The following KCNQ2 variants were observed in gnomAD, a reference collection of about 807,000 sequenced individuals.
KCNQ2 encodes potassium voltage-gated channel subfamily Q member 2.
KCNQ2 carries 14 observed loss-of-function variants against 84.8 expected under a neutral mutation model. The ratio of observed to expected loss-of-function variants is 0.17; its 90% CI spans 0.11 to 0.26. The LOEUF (loss-of-function observed/expected upper bound fraction) is 0.26. Ranked by LOEUF, KCNQ2 falls within the 10% of genes least tolerant of loss-of-function variation. KCNQ2 has a pLI of 1.00. For synonymous variants in KCNQ2, 599 were observed against 554.1 expected (o/e 1.08, Z -1.14); for missense variants, 788 against 1,254.0 (o/e 0.63, Z 5.61).
chr20:63,446,978 C>A lies in KCNQ2; in HGVS notation c.297-141G>T. ...CGCGTCTCCAGAACGCAGGACCCCA[C>A]TCCCCACCCACCCCACCAGAGCTCG... On this transcript the variant is annotated intron_variant, in intron 1 of 16. Coordinates refer to ENST00000359125, the MANE Select transcript of KCNQ2 (RefSeq NM_172107.4). The surrounding 1 kb of genome is among the most constrained non-coding windows in gnomAD (Gnocchi z 5.5). 2.7e-6 allele frequency: 2 copies of A among 753,904 alleles called. No individual in the cohort carries two copies. The highest frequency in any genetic ancestry group is 2.0e-5 in the Admixed American group (1 of 49,840). 46.7% of individuals were successfully genotyped at this position (753,904 alleles called of 1,614,324 possible).
intron 4 of KCNQ2, among the ~76,000 whole-genome samples, chr20:63,443,292 TCACCAC>T (rs1351936217): frequency 6.1e-5 from 1 of 16,272 alleles, no homozygotes; most frequent in Non-Finnish European, 1.3e-4. Context: ...ATCACCATCA[TCACCAC>T]CACCATCACC....
chr20:63,434,156 C>T (rs1832792687), intron 7 of KCNQ2: 2 of 534,762 alleles, frequency 3.7e-6, no homozygotes, highest in Admixed American at 7.2e-5. Flanking sequence ...GGGCTTGACT[C>T]GGGGCCCTGA....
At chr20:63,423,088 T>C (rs1342416860) in intron 11 of KCNQ2, among the ~76,000 whole-genome samples, 3 of 152,200 alleles carry the variant, frequency 2.0e-5, no homozygotes, top group South Asian at 2.1e-4. Flanking sequence ...CCCAGCTCTT[T>C]CTGGGCCCTC....
intron 1 of KCNQ2, among the ~76,000 whole-genome samples, chr20:63,470,544 A>G (rs1486515611): frequency 1.3e-5 from 2 of 152,110 alleles, no homozygotes; most frequent in Non-Finnish European, 2.9e-5. Flanking sequence ...CCATGCGGAG[A>G]GCTGCTGACC....
chr20:63,414,870 G>A lies in KCNQ2; in HGVS notation c.1525+33C>T, dbSNP rs2080235439. The stretch of plus-strand genomic sequence containing the variant: ...TGGCCACCACATCCATCCCCGGAGA[G>A]GATGGACCAGGAGAGGATGCGGCCA... On this transcript the variant is annotated intron_variant, in intron 13 of 16. Coordinates refer to ENST00000359125, the MANE Select transcript of KCNQ2 (RefSeq NM_172107.4). This position sits in a 1 kb window ranked among gnomAD's most constrained non-coding sequence, Gnocchi z 6.6. 6.2e-7 allele frequency: 1 copy of A among 1,602,398 alleles called. No individual in the cohort carries two copies. Among genetic ancestry groups the A allele is most frequent in the Non-Finnish European group, 8.5e-7 (1 of 1,171,774 alleles).
chr20:63,441,402 C>T (rs1247666486), intron 5 of KCNQ2, among the ~76,000 whole-genome samples: 2 of 152,118 alleles, frequency 1.3e-5, no homozygotes, highest in Non-Finnish European at 2.9e-5. Flanking sequence ...CAGAGGGACC[C>T]AGAGGGGAGG....
chr20:63,469,577 G>A (rs2082159980), intron 1 of KCNQ2, among the ~76,000 whole-genome samples: 1 of 152,254 alleles, frequency 6.6e-6, no homozygotes, highest in African/African-American at 2.4e-5. Context: ...GGGATGCCCA[G>A]AGAGGTTCTC....
chr20:63,461,123 C>CT (rs1347139071), intron 1 of KCNQ2: 1 of 152,258 alleles, frequency 6.6e-6, no homozygotes, highest in Non-Finnish European at 1.5e-5. Flanking sequence ...GATGTGCTTA[C>CT]TTTGCAGTCA....
rs1380627733 is a variant in KCNQ2, at chr20:63,400,449, T to C, written c.*6195A>G. On this transcript the variant is annotated 3_prime_UTR_variant, in exon 17 of 17. Coordinates refer to ENST00000359125, the MANE Select transcript of KCNQ2 (RefSeq NM_172107.4). The surrounding 1 kb of genome is among the most constrained non-coding windows in gnomAD (Gnocchi z 8.7). ...AACTAGAGTTCATTCCCTGGGCGTC[T>C]ATCCCTAGAAAATGGACGGTGCACA... is the stretch of plus-strand genomic sequence containing the variant. 1 of 397,238 alleles carries C rather than the reference T, an allele frequency of 2.5e-6. No homozygotes were observed. Among genetic ancestry groups the C allele is most frequent in the Non-Finnish European group, 4.4e-6 (1 of 225,760 alleles). The allele number at this position is 397,238 out of a possible 1,614,324, so 24.6% of individuals were successfully genotyped here.
chr20:63,439,984 C>A (rs1402419081), intron 5 of KCNQ2, among the ~76,000 whole-genome samples: 1 of 152,264 alleles, frequency 6.6e-6, no homozygotes, highest in Admixed American at 6.5e-5. Context: ...GACGTGACTC[C>A]CACGAGGCTC....
chr20:63,402,846 C>T lies in KCNQ2; in HGVS notation c.*3798G>A, dbSNP rs889470688. The T allele has an allele frequency of 6.6e-6, 1 of 152,266 alleles. No homozygotes were observed. Among genetic ancestry groups the T allele is most frequent in the African/African-American group, 2.4e-5 (1 of 41,454 alleles). The allele number at this position is 152,266 out of a possible 1,614,324, so 9.4% of individuals were successfully genotyped here. On this transcript the variant is annotated 3_prime_UTR_variant, in exon 17 of 17. Transcript: ENST00000359125. ...CCGGTGGGGGGTGTTGGGCACCTGC[C>T]CTGCTCAGACGGCTGTGTGCAGGAG... is the stretch of plus-strand genomic sequence containing the variant.
chr20:63,424,935 G>A (rs2080584374), intron 10 of KCNQ2, among the ~76,000 whole-genome samples: 1 of 152,194 alleles, frequency 6.6e-6, no homozygotes, highest in Admixed American at 6.5e-5. Flanking sequence ...GCTCTTTGGT[G>A]CACTTCCAAA....
At chr20:63,463,010 C>G (rs373672503) in intron 1 of KCNQ2, among the ~76,000 whole-genome samples, 1 of 151,988 alleles carries the variant, frequency 6.6e-6, no homozygotes. Context: ...ATCATACTGG[C>G]TGGACATCAT....
At chr20:63,422,445 C>G (rs535366148) in intron 11 of KCNQ2, 1 of 152,872 alleles carries the variant, frequency 6.5e-6, no homozygotes, top group Admixed American at 6.5e-5. Flanking sequence ...AGCAGCCCCA[C>G]GTCCCCCACC....
At chr20:63,451,537 C>A (rs1421032811) in intron 1 of KCNQ2, among the ~76,000 whole-genome samples, 1 of 152,146 alleles carries the variant, frequency 6.6e-6, no homozygotes, top group Non-Finnish European at 1.5e-5. Context: ...AAAGCCTGAC[C>A]CTGTGGAAAG....
In KCNQ2 at chr20:63,472,513, G is replaced by T; in HGVS notation, c.-50C>A. 1 of 1,361,858 alleles carries T rather than the reference G, an allele frequency of 7.3e-7. No homozygotes were observed. The highest frequency in any genetic ancestry group is 9.4e-7 in the Non-Finnish European group (1 of 1,061,162). The allele number at this position is 1,361,858 out of a possible 1,614,324, so 84.4% of individuals were successfully genotyped here. A position where few individuals can be genotyped will look rare whatever the true frequency, so the allele number is the denominator to read the frequency against. On this transcript the variant is annotated 5_prime_UTR_variant, in exon 1 of 17. Transcript: ENST00000359125. ...GTCGGGCTCAGGCTCAGCGGGGGCG[G>T]AGCGCGGGGGGCGGCGCGGGCCCCA...
At chr20:63,423,254 C>G (rs2145609969) in intron 11 of KCNQ2, among the ~76,000 whole-genome samples, 1 of 152,280 alleles carries the variant, frequency 6.6e-6, no homozygotes, top group East Asian at 1.9e-4. Flanking sequence ...GCAGCTCAGC[C>G]CCACTCCATC....
intron 10 of KCNQ2, 33 bp from the exon 11 acceptor site, chr20:63,424,239 G>C (rs143115785): frequency 7.1e-6 from 11 of 1,552,066 alleles, no homozygotes; most frequent in Admixed American, 2.0e-5. Flanking sequence ...GTTAGTGGCC[G>C]CCCACTCAGC....
At chr20:63,424,489 T>A in intron 10 of KCNQ2, 1 of 527,420 alleles carries the variant, frequency 1.9e-6, no homozygotes, top group Non-Finnish European at 3.4e-6. Flanking sequence ...CCTCCACATT[T>A]ACAGACACTC....
Sources: gnomAD v4.1 joint callset for allele counts (sites outside exome capture counted in the v4.1 genomes callset) on GRCh38, gnomAD v4.1.1 for gene constraint, Gnocchi (gnomAD v3.1) non-coding constraint, MANE v1.5 for transcripts, NCBI Gene and HGNC (gene_info 2026-07-23, HGNC 2026-07-21) for gene names.